The following MTHFD1L variants were observed in gnomAD, a reference collection of about 807,000 sequenced individuals.
The protein encoded by MTHFD1L is methylenetetrahydrofolate dehydrogenase (NADP+ dependent) 1 like.
In MTHFD1L, 81 loss-of-function variants were observed where a neutral mutation model predicts 119.5. The observed-to-expected ratio is 0.68, with a 90% CI of 0.57 to 0.82. The LOEUF is 0.82. Ranked by LOEUF, MTHFD1L falls within the 40% of genes least tolerant of loss-of-function variation. The probability of loss-of-function intolerance (pLI) is 0.00; values close to 1 mark genes in which losing one functional copy is unlikely to be tolerated. For synonymous variants in MTHFD1L, 430 were observed against 475.2 expected (o/e 0.90, Z 1.24); for missense variants, 1,125 against 1,253.4 (o/e 0.90, Z 1.55).
At chr6:150,881,599 C>T (rs928766806) in intron 4 of MTHFD1L, among the ~76,000 whole-genome samples, 1 of 152,024 alleles carries the variant, frequency 6.6e-6, no homozygotes, top group African/African-American at 2.4e-5. Context: ...GGCCTCTGAC[C>T]ACCCTCCACC....
chr6:150,977,180 A>T (rs1225860756), intron 20 of MTHFD1L, among the ~76,000 whole-genome samples: 2 of 152,200 alleles, frequency 1.3e-5, no homozygotes, highest in Admixed American at 6.5e-5. Context: ...AAGGTTCTTA[A>T]CTAAGAATTT....
Position 150,967,599 on chromosome 6 carries a change from C to T in MTHFD1L, c.2013+2562C>T, listed in dbSNP as rs562134045. Among the ~76,000 whole-genome samples the T allele has an allele frequency of 2.2e-4, 34 of 152,182 alleles. 1 individual carries two copies. The highest frequency in any genetic ancestry group is 4.1e-4 in the South Asian group (2 of 4,832). On this transcript the variant is annotated intron_variant, in intron 19 of 27. Transcript: ENST00000367321. ...CCTACTTCCTTCCAGCTCGCTGCTT[C>T]CCTGAAACCTTCCCAGTCATTCAAG...
At chr6:150,972,157 T>C (rs1377016799) in intron 20 of MTHFD1L, 99 bp downstream of exon 20, 2 of 1,031,474 alleles carry the variant, frequency 1.9e-6, no homozygotes, top group Non-Finnish European at 2.9e-6. Context: ...ATGAAACATA[T>C]TCTTTCAGGC....
chr6:151,004,787 A>G (rs142245273), intron 20 of MTHFD1L, among the ~76,000 whole-genome samples: 105 of 152,370 alleles, frequency 6.9e-4, no homozygotes, highest in Non-Finnish European at 8.5e-4. Flanking sequence ...CAATAAGAGT[A>G]TTAGTCAGCG....
intron 18 of MTHFD1L, among the ~76,000 whole-genome samples, chr6:150,962,918 T>TC (rs1472531680): frequency 1.4e-5 from 2 of 140,230 alleles, no homozygotes; most frequent in East Asian, 2.0e-4. Flanking sequence ...TCTTTTCTTT[T>TC]TTTTTTTTTT....
intron 16 of MTHFD1L, among the ~76,000 whole-genome samples, chr6:150,952,763 C>T (rs921927733): frequency 3.3e-5 from 5 of 152,228 alleles, no homozygotes; most frequent in Middle Eastern, 3.4e-3. Context: ...TTCCTGACCT[C>T]GTGATCCGCC....
chr6:150,992,231 A>G (rs9968875), intron 20 of MTHFD1L, among the ~76,000 whole-genome samples: 13,673 of 152,266 alleles, frequency 0.09, 758 homozygotes, highest in Middle Eastern at 0.12. Context: ...CAACAATGCT[A>G]CTTCTGGGTA....
intron 26 of MTHFD1L, among the ~76,000 whole-genome samples, chr6:151,072,840 C>T (rs773664346): frequency 6.6e-6 from 1 of 152,016 alleles, no homozygotes; most frequent in Non-Finnish European, 1.5e-5. Context: ...TATTATCTCA[C>T]CCATTGATAC....
chr6:150,970,728 T>C (rs957940438), intron 19 of MTHFD1L, among the ~76,000 whole-genome samples: 3 of 152,212 alleles, frequency 2.0e-5, no homozygotes, highest in African/African-American at 7.2e-5. Context: ...GAGTTAGTCA[T>C]AGAATTTTTT....
chr6:151,094,756 C>T (rs1005676317), intron 27 of MTHFD1L, among the ~76,000 whole-genome samples: 4 of 152,056 alleles, frequency 2.6e-5, no homozygotes, highest in African/African-American at 9.7e-5. Context: ...GTTGGCCAGG[C>T]TGGTCTCGAA....
chr6:151,099,271 C>T (rs1267018511), intron 27 of MTHFD1L, among the ~76,000 whole-genome samples: 1 of 151,910 alleles, frequency 6.6e-6, no homozygotes, highest in Non-Finnish European at 1.5e-5. Flanking sequence ...TGGTCTTCCA[C>T]CACCCACCTC....
chr6:151,033,589 CATT>C (rs1428770536), intron 24 of MTHFD1L, among the ~76,000 whole-genome samples: 1 of 152,074 alleles, frequency 6.6e-6, no homozygotes, highest in Non-Finnish European at 1.5e-5. Flanking sequence ...TTCAATCTAA[CATT>C]ATGGAAATCT....
intron 27 of MTHFD1L, chr6:151,099,564 CA>C: frequency 6.2e-7 from 1 of 1,606,372 alleles, no homozygotes. Context: ...CCAAGATCGT[CA>C]AAAAGAGAAC....
chr6:150,964,927 T>G, intron 18 of MTHFD1L, 42 bp from the exon 19 acceptor site: 16 of 1,591,554 alleles, frequency 1.0e-5, no homozygotes, highest in African/African-American at 1.3e-5. Context: ...ATTGCCTGGA[T>G]GATATTTTGT....
intron 26 of MTHFD1L, among the ~76,000 whole-genome samples, chr6:151,050,923 C>T (rs976786979): frequency 2.5e-4 from 38 of 152,106 alleles, no homozygotes; most frequent in Admixed American, 2.2e-3. Flanking sequence ...GTTCACCTCC[C>T]TCCTGGCACA....
At chr6:150,987,771 A>G (rs1778509251) in intron 20 of MTHFD1L, among the ~76,000 whole-genome samples, 1 of 152,222 alleles carries the variant, frequency 6.6e-6, no homozygotes, top group African/African-American at 2.4e-5. Context: ...AGAAACTAGT[A>G]ACACTTCTGG....
chr6:151,052,487 T>C (rs1045010666), intron 26 of MTHFD1L, among the ~76,000 whole-genome samples: 3 of 151,960 alleles, frequency 2.0e-5, no homozygotes, highest in Admixed American at 1.3e-4. Context: ...GGATGGTTGC[T>C]TCTCTACCCA....
chr6:150,886,711 C>T (rs1358187932), intron 6 of MTHFD1L, among the ~76,000 whole-genome samples: 3 of 151,420 alleles, frequency 2.0e-5, no homozygotes, highest in South Asian at 2.1e-4. Context: ...CTAATTGGGC[C>T]GGCACAGTAG....
intron 1 of MTHFD1L, chr6:150,866,308 C>G (rs1245681896): frequency 3.4e-6 from 5 of 1,466,730 alleles, no homozygotes; most frequent in Non-Finnish European, 4.5e-6. Context: ...GGGCGCCTAG[C>G]GGCATGGACC....
Sources: allele counts gnomAD v4.1 joint callset (sites outside exome capture counted in the v4.1 genomes callset), GRCh38; gene constraint gnomAD v4.1.1; transcripts MANE v1.5; gene names NCBI Gene and HGNC (gene_info 2026-07-23, HGNC 2026-07-21).